ARL1: variants seen among roughly 807,000 people sequenced by gnomAD.
ARL1 encodes ADP-ribosylation factor-like protein 1.
ARL1 carries 17 observed loss-of-function variants against 30.1 expected under a neutral mutation model. The observed-to-expected ratio is 0.56, with a 90% CI of 0.39 to 0.85. The LOEUF (loss-of-function observed/expected upper bound fraction) is 0.85. Ranked by LOEUF, ARL1 falls within the 40% of genes least tolerant of loss-of-function variation. The pLI is 0.00. For synonymous variants in ARL1, 58 were observed against 71.7 expected (o/e 0.81, Z 0.97); for missense variants, 102 against 212.6 (o/e 0.48, Z 3.24).
At chr12:101,396,049 TTAAG>T (rs1004779821) in intron 5 of ARL1, 35 of 557,128 alleles carry the variant, frequency 6.3e-5, no homozygotes, top group Non-Finnish European at 1.0e-4. Flanking sequence ...GCATCTAACT[TTAAG>T]TGAGTGATTA....
intron 1 of ARL1, among the ~76,000 whole-genome samples, chr12:101,406,650 A>T (rs769761848): frequency 8.5e-5 from 13 of 152,208 alleles, no homozygotes; most frequent in Non-Finnish European, 1.8e-4. Context: ...ACAAAAAAAA[A>T]TAGTTAACAT....
At chr12:101,407,582 C>T in intron 1 of ARL1, 60 bp downstream of exon 1, 1 of 1,603,348 alleles carries the variant, frequency 6.2e-7, no homozygotes, top group Non-Finnish European at 8.5e-7. Context: ...CTCCTCTGCA[C>T]CCCAGCCCTC....
At chr12:101,401,660 AAAG>A (rs1311016098) in intron 3 of ARL1, among the ~76,000 whole-genome samples, 4 of 150,756 alleles carry the variant, frequency 2.7e-5, no homozygotes, top group African/African-American at 9.8e-5. Context: ...AAAAAAAAAA[AAAG>A]AATGTTGATA....
rs549308346 is a variant in ARL1 at position 101,401,979 on chromosome 12, G to A, written c.225-806C>T. On this transcript the variant is annotated intron_variant, in intron 3 of 5. Transcript: ENST00000261636. The stretch of plus-strand genomic sequence containing the variant: ...TCTCTCTGAGCCTACTCTGGCTTGG[G>A]AGGCTGCACAATTTAAAAAAAAAGA... Among the ~76,000 whole-genome samples, 258 of 152,094 alleles carry A rather than the reference G, an allele frequency of 1.7e-3. 1 individual carries two copies. The highest frequency in any genetic ancestry group is 5.8e-3 in the African/African-American group (239 of 41,482).
chr12:101,399,511 A>T (rs917271645), intron 4 of ARL1, among the ~76,000 whole-genome samples: 143 of 27,380 alleles, frequency 5.2e-3, no homozygotes, highest in Admixed American at 0.038. Context: ...ACTCTGTCTA[A>T]AAAAAAAAAA....
In ARL1 at chr12:101,395,602, G is replaced by A. The variant is rs1288027920; in HGVS notation, c.*38C>T. 2 of 1,533,276 alleles carry A rather than the reference G, an allele frequency of 1.3e-6. No individual in the cohort carries two copies. The highest frequency in any genetic ancestry group is 1.2e-5 in the South Asian group (1 of 84,684). 95.0% of individuals were successfully genotyped at this position (1,533,276 alleles called of 1,614,324 possible). On this transcript the variant is annotated 3_prime_UTR_variant, in exon 6 of 6. Transcript: ENST00000261636. ...TGACTGTTTCCAAAGGGAGAGAGGT[G>A]ATGTAGTCTTCATTTCAGGGGAGAA...
At chr12:101,402,393 T>A (rs1348052191) in intron 3 of ARL1, among the ~76,000 whole-genome samples, 1 of 152,220 alleles carries the variant, frequency 6.6e-6, no homozygotes, top group Non-Finnish European at 1.5e-5. Flanking sequence ...TTCACCATGT[T>A]GGTCAGGCTG....
chr12:101,404,061 G>A (rs1233989196), intron 2 of ARL1, among the ~76,000 whole-genome samples: 4 of 152,074 alleles, frequency 2.6e-5, no homozygotes, highest in Non-Finnish European at 4.4e-5. Context: ...TTGAGTATTT[G>A]GCAAGTATGT....
chr12:101,395,053 A>G lies in ARL1; in HGVS notation c.*587T>C, dbSNP rs1018488905. 6.6e-6 allele frequency: 1 copy of G among 152,572 alleles called. No homozygotes were observed. The highest frequency in any genetic ancestry group is 6.5e-5 in the Admixed American group (1 of 15,276). The allele number at this position is 152,572 out of a possible 1,614,324, so 9.5% of individuals were successfully genotyped here. On this transcript the variant is annotated 3_prime_UTR_variant, in exon 6 of 6. Transcript: ENST00000261636. ...ATGTAAGATTTTTTTTGACAACTGT[A>G]AAGTACTATAAAATGACACTTACAG...
At position 101,401,123 on chromosome 12, in the gene ARL1, A is replaced by G; in HGVS notation, c.275T>C (p.Val92Ala). The change falls in exon 4 of 6, where the codon GTA (valine) becomes GCA (alanine). Residue 92 changes from valine to alanine, a missense_variant. Physicochemically the swap from Val to Ala is moderately conservative, Grantham distance 64. Coordinates refer to ENST00000261636, the MANE Select transcript of ARL1 (RefSeq NM_001177.6). ...AATTCGGTCTCGGTCACAACTGTCT[A>G]CTACATAAATGACTGCATCTGTGTT... ...YSNTDAVIYVVDSCDRDRIGI... is the reference protein window; with the variant it reads ...YSNTDAVIYVADSCDRDRIGI... The G allele has an allele frequency of 6.2e-7, 1 of 1,613,920 alleles. No homozygotes were observed. The highest frequency in any genetic ancestry group is 8.5e-7 in the Non-Finnish European group (1 of 1,179,860).
chr12:101,406,943 T>C (rs948998308), intron 1 of ARL1: 1 of 152,172 alleles, frequency 6.6e-6, no homozygotes, highest in South Asian at 2.1e-4. Context: ...GCACCTTCAT[T>C]TGGAGGGTGA....
intron 4 of ARL1, among the ~76,000 whole-genome samples, chr12:101,398,683 C>CCAGGTGTGG: frequency 1.3e-5 from 2 of 152,108 alleles, no homozygotes; most frequent in African/African-American, 4.8e-5. Context: ...AGTGATCCAC[C>CCAGGTGTGG]TGCCTCGGCC....
Position 101,395,053 on chromosome 12 carries a change from A to T in ARL1, c.*587T>A, listed in dbSNP as rs1018488905. ...ATGTAAGATTTTTTTTGACAACTGT[A>T]AAGTACTATAAAATGACACTTACAG... is the stretch of plus-strand genomic sequence containing the variant. On this transcript the variant is annotated 3_prime_UTR_variant, in exon 6 of 6. Coordinates refer to ENST00000261636, the MANE Select transcript of ARL1 (RefSeq NM_001177.6). 1 of 152,572 alleles carries T rather than the reference A, an allele frequency of 6.6e-6. No individual in the cohort carries two copies. The highest frequency in any genetic ancestry group is 6.5e-5 in the Admixed American group (1 of 15,276). The allele number at this position is 152,572 out of a possible 1,614,324, so 9.5% of individuals were successfully genotyped here. A position where few individuals can be genotyped will look rare whatever the true frequency, so the allele number is the denominator to read the frequency against.
rs201181388 is a variant in ARL1 at position 101,401,140 on chromosome 12, A to G, written c.258T>C (p.Asp86=). The change falls in exon 4 of 6, where the codon GAT becomes GAC. Residue 86 remains aspartate, a synonymous_variant. Coordinates refer to ENST00000261636, the MANE Select transcript of ARL1 (RefSeq NM_001177.6). ...PYWRCYYSNT[D]AVIYVVDSCD... ...AACTGTCTACTACATAAATGACTGCATCTGTGTTTGAATAGTAACATCTCC... is the reference window on the plus strand; with the variant it reads ...AACTGTCTACTACATAAATGACTGCGTCTGTGTTTGAATAGTAACATCTCC... 6.2e-7 allele frequency: 1 copy of G among 1,613,826 alleles called. No individual in the cohort carries two copies. The highest frequency in any genetic ancestry group is 8.5e-7 in the Non-Finnish European group (1 of 1,179,778).
At chr12:101,406,783 G>C (rs1311659001) in intron 1 of ARL1, among the ~76,000 whole-genome samples, 1 of 152,200 alleles carries the variant, frequency 6.6e-6, no homozygotes, top group Non-Finnish European at 1.5e-5. Context: ...GGTGTGACTT[G>C]ACAAAGTCCT....
intron 2 of ARL1, chr12:101,403,370 C>T (rs148599098): frequency 2.5e-4 from 79 of 314,560 alleles, no homozygotes; most frequent in Non-Finnish European, 4.2e-4. Flanking sequence ...ATTAAACTCC[C>T]CTCATAATAG....
intron 2 of ARL1, among the ~76,000 whole-genome samples, chr12:101,405,178 G>C (rs1218449718): frequency 6.6e-6 from 1 of 151,994 alleles, no homozygotes; most frequent in Admixed American, 6.6e-5. Flanking sequence ...GCCTTCTCTT[G>C]ATATTTTTAA....
Position 101,394,879 on chromosome 12 carries a change from T to C in ARL1, c.*761A>G, listed in dbSNP as rs1206385142. ...CAAGCTTCTGAACCAAAAGTTTTACTTTGAGCCCTATTCCTACCTTACAAG... is the reference window on the plus strand; with the variant it reads ...CAAGCTTCTGAACCAAAAGTTTTACCTTGAGCCCTATTCCTACCTTACAAG... On this transcript the variant is annotated 3_prime_UTR_variant, in exon 6 of 6. Coordinates refer to ENST00000261636, the MANE Select transcript of ARL1 (RefSeq NM_001177.6). The C allele has an allele frequency of 1.3e-5, 2 of 152,196 alleles. No individual in the cohort carries two copies. Among genetic ancestry groups the C allele is most frequent in the African/African-American group, 4.8e-5 (2 of 41,462 alleles). 9.4% of individuals were successfully genotyped at this position (152,196 alleles called of 1,614,324 possible).
chr12:101,407,802 G>A (rs1373581942), upstream of ARL1: 2 of 1,061,058 alleles, frequency 1.9e-6, no homozygotes, highest in Non-Finnish European at 2.9e-6. Context: ...TGCGCGCCGG[G>A]AACGGTGGCC....
Sources: gnomAD v4.1 joint callset for allele counts (sites outside exome capture counted in the v4.1 genomes callset) on GRCh38, gnomAD v4.1.1 for gene constraint, MANE v1.5 for transcripts, NCBI Gene and HGNC (gene_info 2026-07-23, HGNC 2026-07-21) for gene names.